The following LRBA variants were observed in gnomAD, a reference collection of about 807,000 sequenced individuals.
LRBA encodes lipopolysaccharide-responsive and beige-like anchor protein.
Under a neutral mutation model 330.0 loss-of-function variants are expected in LRBA, and 176 were observed. The observed-to-expected ratio is 0.53, with a 90% CI of 0.47 to 0.60. The LOEUF is 0.60. Among genes scored for constraint, LRBA ranks in the 20% least tolerant of loss-of-function variants. The pLI, the probability that LRBA is intolerant of heterozygous loss-of-function variation, is 0.00. For missense variants in LRBA, 3,259 were observed against 3,444.8 expected (o/e 0.95, Z 1.35); for synonymous variants, 1,230 against 1,193.0 (o/e 1.03, Z -0.64).
intron 48 of LRBA, among the ~76,000 whole-genome samples, chr4:150,326,361 T>C (rs1378104524): frequency 6.6e-6 from 1 of 152,194 alleles, no homozygotes; most frequent in Non-Finnish European, 1.5e-5. Flanking sequence ...CTTGATGCTA[T>C]ATTAATTTTG....
intron 47 of LRBA, among the ~76,000 whole-genome samples, chr4:150,369,030 T>A (rs886490493): frequency 1.3e-5 from 2 of 151,948 alleles, no homozygotes; most frequent in East Asian, 1.9e-4. Flanking sequence ...CTTTCTTTTT[T>A]AAAAATAAAT....
At chr4:150,730,678 G>GAAA (rs112842947) in intron 36 of LRBA, among the ~76,000 whole-genome samples, 1 of 89,894 alleles carries the variant, frequency 1.1e-5, no homozygotes, top group African/African-American at 3.9e-5. Flanking sequence ...GTGAGGCTCT[G>GAAA]AAAAAAAAAA....
At chr4:150,566,373 G>A (rs1208369086) in intron 40 of LRBA, among the ~76,000 whole-genome samples, 1 of 151,986 alleles carries the variant, frequency 6.6e-6, no homozygotes, top group Non-Finnish European at 1.5e-5. Context: ...AAACTCACAT[G>A]ATACTTTCAT....
chr4:150,605,991 T>G (rs1282076804), intron 37 of LRBA, among the ~76,000 whole-genome samples: 1 of 152,118 alleles, frequency 6.6e-6, no homozygotes, highest in Non-Finnish European at 1.5e-5. Context: ...GACACTGGAG[T>G]ATCATATATT....
At chr4:150,832,932 G>A (rs1037922066) in intron 28 of LRBA, among the ~76,000 whole-genome samples, 1 of 151,980 alleles carries the variant, frequency 6.6e-6, no homozygotes, top group Non-Finnish European at 1.5e-5. Context: ...ACCACATCCA[G>A]CTAATTTTTG....
At chr4:150,955,847 G>A (rs373324856) in intron 2 of LRBA, among the ~76,000 whole-genome samples, 5 of 147,868 alleles carry the variant, frequency 3.4e-5, no homozygotes, top group Admixed American at 1.3e-4. Context: ...AGCCGAGATT[G>A]TGCCACTGCA....
intron 18 of LRBA, among the ~76,000 whole-genome samples, chr4:150,872,341 T>C (rs1753537343): frequency 6.6e-6 from 1 of 152,190 alleles, no homozygotes; most frequent in Admixed American, 6.5e-5. Flanking sequence ...AGGTTATGTA[T>C]TACTTTATAA....
intron 37 of LRBA, among the ~76,000 whole-genome samples, chr4:150,660,687 A>G (rs1159377643): frequency 4.1e-3 from 557 of 136,896 alleles, no homozygotes; most frequent in Admixed American, 6.5e-3. Context: ...TGTAGAAAGA[A>G]GTAGACATGG....
intron 51 of LRBA, among the ~76,000 whole-genome samples, chr4:150,312,025 G>T (rs1731138864): frequency 6.6e-6 from 1 of 152,088 alleles, no homozygotes; most frequent in Non-Finnish European, 1.5e-5. Context: ...ATTCTTGTCA[G>T]TGTTTATGTG....
rs144655081 is a variant in LRBA at position 150,828,433 on chromosome 4, C to T, written c.4918G>A (p.Val1640Met). ...VSAGPDAISEVLSTLSLEVNK... is the reference protein window; with the variant it reads ...VSAGPDAISEMLSTLSLEVNK... ...ACTTCTAAAGAAAGAGTAGATAGCACCTCGCTGATTGCATCTGGGCCTGCA... is the reference window on the plus strand; with the variant it reads ...ACTTCTAAAGAAAGAGTAGATAGCATCTCGCTGATTGCATCTGGGCCTGCA... The change falls in exon 30 of 57, where the codon GTG becomes ATG. Residue 1640 changes from valine (V) to methionine (M), a missense_variant. Physicochemically the swap from Val to Met is conservative, Grantham distance 21. Transcript: ENST00000651943. 51 of 1,614,124 alleles carry T rather than the reference C, an allele frequency of 3.2e-5. No individual in the cohort carries two copies. In the African/African-American group the frequency reaches 5.2e-4, roughly 16 times the overall value.
chr4:151,000,381 T>C (rs943628257), intron 2 of LRBA, among the ~76,000 whole-genome samples: 5 of 152,192 alleles, frequency 3.3e-5, no homozygotes, highest in Non-Finnish European at 7.3e-5. Flanking sequence ...TTTTTTTTCC[T>C]TGTAAGTCAA....
At chr4:150,611,305 A>C (rs1581809593) in intron 37 of LRBA, among the ~76,000 whole-genome samples, 2 of 152,338 alleles carry the variant, frequency 1.3e-5, no homozygotes, top group East Asian at 3.9e-4. Context: ...TATAAATTAG[A>C]GATATAACAC....
intron 2 of LRBA, among the ~76,000 whole-genome samples, chr4:150,998,042 T>C (rs1232688334): frequency 6.6e-6 from 1 of 151,996 alleles, no homozygotes; most frequent in Non-Finnish European, 1.5e-5. Context: ...AAACTCTTTT[T>C]TTTTTCTTTT....
intron 2 of LRBA, among the ~76,000 whole-genome samples, chr4:151,008,457 G>A (rs1744388105): frequency 6.6e-6 from 1 of 151,980 alleles, no homozygotes; most frequent in African/African-American, 2.4e-5. Flanking sequence ...CAGGACTCCT[G>A]CATAGACCAA....
In LRBA at chr4:150,844,088, ATTG is replaced by A; in HGVS notation, c.4569+9_4569+11del. 6.6e-7 allele frequency: 1 copy of A among 1,510,868 alleles called. No homozygotes were observed. The highest frequency in any genetic ancestry group is 9.2e-7 in the Non-Finnish European group (1 of 1,088,914). The allele number at this position is 1,510,868 out of a possible 1,614,324, so 93.6% of individuals were successfully genotyped here. ...AGTTAAGAGAGTATGTGAAAGACAT[ATTG>A]TAACTTACTATGTCTCTGAAAACAA... On this transcript the variant is annotated intron_variant, in intron 28 of 56. Transcript: ENST00000651943.
chr4:150,365,527 C>G (rs1739335536), intron 47 of LRBA, among the ~76,000 whole-genome samples: 1 of 152,048 alleles, frequency 6.6e-6, no homozygotes, highest in South Asian at 2.1e-4. Context: ...CACGGTGGCT[C>G]ACGCCTGTAA....
intron 46 of LRBA, among the ~76,000 whole-genome samples, chr4:150,432,453 C>CTTTGTTTTTTTT (rs1750534834): frequency 1.0e-5 from 1 of 98,438 alleles, no homozygotes; most frequent in Non-Finnish European, 1.8e-5. Context: ...TAAGTGTGTT[C>CTTTGTTTTTTTT]TTTTTTTTTT....
At chr4:150,975,632 AG>A (rs1266631291) in intron 2 of LRBA, among the ~76,000 whole-genome samples, 1 of 152,102 alleles carries the variant, frequency 6.6e-6, no homozygotes, top group African/African-American at 2.4e-5. Flanking sequence ...GAGAAAACTG[AG>A]AAGTAAAAAA....
At chr4:150,880,607 C>T (rs551752788) in intron 17 of LRBA, among the ~76,000 whole-genome samples, 23 of 150,758 alleles carry the variant, frequency 1.5e-4, no homozygotes, top group Admixed American at 1.3e-4. Context: ...AGAAGAAAAA[C>T]GAGAAAACAC....
Sources: gnomAD v4.1 joint callset for allele counts (sites outside exome capture counted in the v4.1 genomes callset) on GRCh38, gnomAD v4.1.1 for gene constraint, MANE v1.5 for transcripts, NCBI Gene and HGNC (gene_info 2026-07-23, HGNC 2026-07-21) for gene names.